The following LDLRAP1 variants were observed in gnomAD, a reference collection of about 807,000 sequenced individuals.
The protein encoded by LDLRAP1 is low density lipoprotein receptor adapter protein 1.
A neutral mutation model predicts 37.8 loss-of-function variants in LDLRAP1; 30 were observed. The ratio of observed to expected loss-of-function variants is 0.79; its 90% CI spans 0.59 to 1.08. The LOEUF is 1.08. Ranked by LOEUF, LDLRAP1 falls within the 50% of genes least tolerant of loss-of-function variation. The pLI, the probability that LDLRAP1 is intolerant of heterozygous loss-of-function variation, is 0.00. For missense variants in LDLRAP1, 375 were observed against 401.6 expected, an observed-to-expected ratio of 0.93 and a Z score of 0.57; for synonymous variants, 156 against 169.8, an observed-to-expected ratio of 0.92 and a Z score of 0.63.
the LDLRAP1 span, among the ~76,000 whole-genome samples, chr1:25,577,877 G>C: frequency 7.2e-5 from 11 of 152,370 alleles, no homozygotes; most frequent in African/African-American, 2.6e-4. Flanking sequence ...ACTTGGAACA[G>C]TGCCTGGCCC....
At chr1:25,550,316 A>G (rs920703995) in intron 1 of LDLRAP1, among the ~76,000 whole-genome samples, 2 of 152,204 alleles carry the variant, frequency 1.3e-5, no homozygotes, top group Admixed American at 6.5e-5. Flanking sequence ...AGCTCACTCA[A>G]GATGACTCAG....
the LDLRAP1 span, among the ~76,000 whole-genome samples, chr1:25,576,742 A>G: frequency 2.6e-5 from 4 of 152,204 alleles, no homozygotes; most frequent in Non-Finnish European, 5.9e-5. Flanking sequence ...CATCCACTTT[A>G]TCTTTCACAG....
rs1451025787 is a variant in LDLRAP1, at chr1:25,544,891, G to T, written c.88+1105G>T. ...CTCTTGGCCTTACAGGGCTCTGCCA[G>T]GGGAGCCCGAGCTCCCTGGTCCAAG... On this transcript the variant is annotated intron_variant, in intron 1 of 8. Coordinates refer to ENST00000374338, the MANE Select transcript of LDLRAP1 (RefSeq NM_015627.3). The surrounding 1 kb of genome is among the most constrained non-coding windows in gnomAD (Gnocchi z 4.8). Among the ~76,000 whole-genome samples the T allele has an allele frequency of 6.6e-6, 1 of 152,230 alleles. No individual in the cohort carries two copies. The highest frequency in any genetic ancestry group is 1.9e-4 in the East Asian group (1 of 5,196).
At chr1:25,550,310 C>A (rs2044044011) in intron 1 of LDLRAP1, among the ~76,000 whole-genome samples, 1 of 152,142 alleles carries the variant, frequency 6.6e-6, no homozygotes, top group Non-Finnish European at 1.5e-5. Context: ...GTAATGAGCT[C>A]ACTCAAGATG....
At chr1:25,564,012 C>T (rs926305056) in intron 7 of LDLRAP1, 20 of 618,976 alleles carry the variant, frequency 3.2e-5, no homozygotes, top group Admixed American at 4.9e-5. Context: ...ACAGCTGTCT[C>T]CTCACAATGC....
intron 6 of LDLRAP1, 155 bp from the exon 7 acceptor site, chr1:25,563,506 C>T (rs2044396946): frequency 7.6e-6 from 7 of 926,880 alleles, no homozygotes; most frequent in South Asian, 4.2e-5. Flanking sequence ...TGGGCAGCTG[C>T]GCATCTGCTG....
chr1:25,552,649 T>C (rs1572030798), intron 1 of LDLRAP1, among the ~76,000 whole-genome samples: 1 of 152,156 alleles, frequency 6.6e-6, no homozygotes, highest in Non-Finnish European at 1.5e-5. Context: ...CAGGTGGAAG[T>C]GTGAGGTGTT....
chr1:25,552,257 T>TA (rs1318604084), intron 1 of LDLRAP1, among the ~76,000 whole-genome samples: 2 of 152,156 alleles, frequency 1.3e-5, no homozygotes, highest in East Asian at 3.9e-4. Context: ...CTGAGCCTTG[T>TA]AGTAGGGGCC....
intron 1 of LDLRAP1, among the ~76,000 whole-genome samples, chr1:25,547,585 C>A (rs112219873): frequency 2.6e-5 from 4 of 152,258 alleles, no homozygotes; most frequent in African/African-American, 9.6e-5. Context: ...CTGTGGGAGG[C>A]AGTGTAGAAC....
At chr1:25,570,648 A>G (rs372003480), downstream of LDLRAP1, among the ~76,000 whole-genome samples, 1 of 152,268 alleles carries the variant, frequency 6.6e-6, no homozygotes, top group South Asian at 2.1e-4. Flanking sequence ...TCACGAGGTC[A>G]GGAGATCGAG....
chr1:25,566,413 CT>C (rs1227080116), intron 8 of LDLRAP1, among the ~76,000 whole-genome samples: 8 of 152,200 alleles, frequency 5.3e-5, no homozygotes, highest in Admixed American at 5.2e-4. Context: ...TGACTCTCCC[CT>C]ATTCTTTTGG....
At chr1:25,564,191 G>A in intron 7 of LDLRAP1, 1 of 326,548 alleles carries the variant, frequency 3.1e-6, no homozygotes, top group South Asian at 2.6e-5. Context: ...CTCCCTCAGG[G>A]ACTCAGGGCA....
chr1:25,577,564 G>C, the LDLRAP1 span, among the ~76,000 whole-genome samples: 6 of 152,214 alleles, frequency 3.9e-5, no homozygotes, highest in Non-Finnish European at 7.3e-5. Flanking sequence ...TGTGCGGTTA[G>C]GAAGGCTTTC....
At position 25,554,816 on chromosome 1, in the gene LDLRAP1, CAAGT is replaced by C. The variant is rs2044160644; in HGVS notation, c.232-43_232-40del. On this transcript the variant is annotated intron_variant, in intron 2 of 8. Coordinates refer to ENST00000374338, the MANE Select transcript of LDLRAP1 (RefSeq NM_015627.3). This position sits in a 1 kb window ranked among gnomAD's most constrained non-coding sequence, Gnocchi z 5.4. ...AAGTGTAAGCCATGAGGGTGGGTCT[CAAGT>C]GAGGCTGGCAGACTCCTCTGACTCC... 6.0e-6 allele frequency: 9 copies of C among 1,508,834 alleles called. No homozygotes were observed. Among genetic ancestry groups the C allele is most frequent in the Non-Finnish European group, 7.3e-6 (8 of 1,088,890 alleles). 93.5% of individuals were successfully genotyped at this position (1,508,834 alleles called of 1,614,324 possible).
chr1:25,557,526 T>C lies in LDLRAP1; in HGVS notation c.459+259T>C. ...CCCCAGTGTGTGTCTGGGCCTGTTC[T>C]CTCTGTAACGGGATTTGCTGGGTTG... On this transcript the variant is annotated intron_variant, in intron 4 of 8. Coordinates refer to ENST00000374338, the MANE Select transcript of LDLRAP1 (RefSeq NM_015627.3). The C allele has an allele frequency of 5.4e-6, 3 of 550,682 alleles. No individual in the cohort carries two copies. The South Asian group carries it at 6.4e-5, about 12-fold the overall frequency. The allele number at this position is 550,682 out of a possible 1,614,324, so 34.1% of individuals were successfully genotyped here.
chr1:25,565,489 CT>C (rs2124697963), intron 8 of LDLRAP1, among the ~76,000 whole-genome samples: 1 of 152,024 alleles, frequency 6.6e-6, no homozygotes, highest in South Asian at 2.1e-4. Context: ...GCGAAACACA[CT>C]GCAGCTCAAG....
the LDLRAP1 span, among the ~76,000 whole-genome samples, chr1:25,585,841 G>T: frequency 1.3e-5 from 2 of 152,232 alleles, no homozygotes; most frequent in African/African-American, 4.8e-5. Context: ...GGCCTGATTG[G>T]CAAGAGAAGT....
At chr1:25,548,325 G>A (rs903981026) in intron 1 of LDLRAP1, among the ~76,000 whole-genome samples, 1 of 144,824 alleles carries the variant, frequency 6.9e-6, no homozygotes, top group Non-Finnish European at 1.5e-5. Flanking sequence ...CAACCCCATG[G>A]ATGGATACTC....
chr1:25,584,435 T>C, the LDLRAP1 span, among the ~76,000 whole-genome samples: 1 of 152,076 alleles, frequency 6.6e-6, no homozygotes, highest in Non-Finnish European at 1.5e-5. Context: ...CACCCTGCCA[T>C]TTCTCTCCAC....
Sources: allele counts gnomAD v4.1 joint callset (sites outside exome capture counted in the v4.1 genomes callset), GRCh38; gene constraint gnomAD v4.1.1; non-coding constraint Gnocchi (gnomAD v3.1); transcripts MANE v1.5; gene names NCBI Gene and HGNC (gene_info 2026-07-23, HGNC 2026-07-21).